TRIM44: variants seen among roughly 807,000 people sequenced by gnomAD.
The protein encoded by TRIM44 is tripartite motif containing 44.
A neutral mutation model predicts 37.4 loss-of-function variants in TRIM44; 13 were observed. The ratio of observed to expected loss-of-function variants is 0.35; its 90% confidence interval spans 0.23 to 0.55. The LOEUF (loss-of-function observed/expected upper bound fraction) is 0.55, where lower values mean the gene tolerates loss of function less well. Ranked by LOEUF, TRIM44 falls within the 20% of genes least tolerant of loss-of-function variation. TRIM44 has a pLI of 0.89. For synonymous variants in TRIM44, 175 were observed against 157.2 expected (o/e 1.11, Z -0.85); for missense variants, 426 against 437.2 (o/e 0.97, Z 0.23).
chr11:35,711,601 A>T (rs1041678670), intron 2 of TRIM44, among the ~76,000 whole-genome samples: 6 of 152,084 alleles, frequency 3.9e-5, no homozygotes, highest in Non-Finnish European at 8.8e-5. Context: ...AAAAATTAAA[A>T]AAAAATTAGC....
chr11:35,703,885 C>A (rs1479150062), intron 2 of TRIM44, among the ~76,000 whole-genome samples: 1 of 152,204 alleles, frequency 6.6e-6, no homozygotes, highest in Non-Finnish European at 1.5e-5. Flanking sequence ...AGCTCCTCAC[C>A]AGCAACGGAA....
intron 4 of TRIM44, among the ~76,000 whole-genome samples, chr11:35,796,705 G>C (rs768582849): frequency 6.6e-6 from 1 of 152,158 alleles, no homozygotes; most frequent in Non-Finnish European, 1.5e-5. Context: ...AGCACTGGGG[G>C]GAGGAAAGGG....
At chr11:35,745,037 G>A (rs182814617) in intron 4 of TRIM44, among the ~76,000 whole-genome samples, 1 of 152,148 alleles carries the variant, frequency 6.6e-6, no homozygotes, top group Admixed American at 6.5e-5. Context: ...ATATATGCAT[G>A]CATGTATCTT....
chr11:35,729,451 T>G (rs1852225769), intron 3 of TRIM44, among the ~76,000 whole-genome samples: 1 of 152,158 alleles, frequency 6.6e-6, no homozygotes, highest in South Asian at 2.1e-4. Context: ...GCAGTAATAG[T>G]ACGGAGGAAG....
intron 3 of TRIM44, among the ~76,000 whole-genome samples, chr11:35,733,393 T>C (rs1330245985): frequency 1.3e-5 from 2 of 152,186 alleles, no homozygotes; most frequent in Non-Finnish European, 2.9e-5. Context: ...CCAAAAATAA[T>C]TGAAAAATTT....
chr11:35,736,538 A>G lies in TRIM44; in HGVS notation c.1007+1093A>G, dbSNP rs575638799. On this transcript the variant is annotated intron_variant, in intron 4 of 4. Coordinates refer to ENST00000299413, the MANE Select transcript of TRIM44 (RefSeq NM_017583.6). Reference sequence around the variant, plus strand: ...TTGCTTTTTACAAACTAGCAAAAACAGTTTCCTCTCTTTTTTCATTTTCCC... The same window carrying G: ...TTGCTTTTTACAAACTAGCAAAAACGGTTTCCTCTCTTTTTTCATTTTCCC... Among the ~76,000 whole-genome samples the G allele has an allele frequency of 7.9e-5, 12 of 152,280 alleles. No individual in the cohort carries two copies. In the South Asian group the frequency reaches 2.5e-3, roughly 32 times the overall value.
rs188634350 is a variant in TRIM44 at position 35,709,340 on chromosome 11, T to C, written c.748-16584T>C. On this transcript the variant is annotated intron_variant, in intron 2 of 4. Transcript: ENST00000299413. ...ATGTATCCCATTTTTACATAAAATA[T>C]TGGCTTTGCTCTCAGATTCCCTTGA... Among the ~76,000 whole-genome samples, 36 of 152,360 alleles carry C rather than the reference T, an allele frequency of 2.4e-4. No individual in the cohort carries two copies. In the East Asian group the frequency reaches 5.8e-3, roughly 24 times the overall value.
intron 4 of TRIM44, among the ~76,000 whole-genome samples, chr11:35,779,683 G>A (rs375452229): frequency 1.3e-4 from 20 of 152,062 alleles, no homozygotes; most frequent in African/African-American, 1.7e-4. Flanking sequence ...TGCCAAGACC[G>A]ATGTCCAGGA....
rs1352531143 is a variant in TRIM44 at position 35,706,562 on chromosome 11, T to C, written c.748-19362T>C. Among the ~76,000 whole-genome samples the C allele has an allele frequency of 2.0e-4, 30 of 152,244 alleles. 2 individuals carry two copies. The highest frequency in any genetic ancestry group is 1.8e-3 in the Admixed American group (28 of 15,294). ...AGCAGCACATCAAAAAGCTTATCCA[T>C]CATGATCGAGTGGGCTTCATCCCTG... On this transcript the variant is annotated intron_variant, in intron 2 of 4. Coordinates refer to ENST00000299413, the MANE Select transcript of TRIM44 (RefSeq NM_017583.6).
chr11:35,752,775 G>A (rs1007367405), intron 4 of TRIM44, among the ~76,000 whole-genome samples: 7 of 152,100 alleles, frequency 4.6e-5, no homozygotes, highest in South Asian at 2.1e-4. Flanking sequence ...AGGAATGCTC[G>A]TCCCCAGAGT....
chr11:35,683,833 T>C, intron 1 of TRIM44, among the ~76,000 whole-genome samples: 1 of 151,912 alleles, frequency 6.6e-6, no homozygotes, highest in East Asian at 1.9e-4. Context: ...ATCTAGATGC[T>C]GGGCATAAGA....
chr11:35,690,263 A>T (rs1851625075), intron 2 of TRIM44, among the ~76,000 whole-genome samples: 1 of 152,178 alleles, frequency 6.6e-6, no homozygotes, highest in Admixed American at 6.5e-5. Flanking sequence ...TTATTTCAGC[A>T]TTTATGTAGC....
At chr11:35,747,651 A>G (rs1245238260) in intron 4 of TRIM44, among the ~76,000 whole-genome samples, 1 of 152,106 alleles carries the variant, frequency 6.6e-6, no homozygotes, top group Non-Finnish European at 1.5e-5. Flanking sequence ...CTGAGAAGAA[A>G]GTTGAGGTGG....
At chr11:35,706,311 A>T (rs1005702939) in intron 2 of TRIM44, among the ~76,000 whole-genome samples, 1 of 152,018 alleles carries the variant, frequency 6.6e-6, no homozygotes, top group African/African-American at 2.4e-5. Flanking sequence ...AGATGGATTC[A>T]CAGCCGAATT....
intron 4 of TRIM44, among the ~76,000 whole-genome samples, chr11:35,743,760 A>G (rs139835216): frequency 2.6e-5 from 4 of 152,200 alleles, no homozygotes; most frequent in Admixed American, 1.3e-4. Context: ...GTGGGTTACA[A>G]TCCATGGTTT....
chr11:35,700,585 A>G (rs1851774542), intron 2 of TRIM44, among the ~76,000 whole-genome samples: 1 of 152,184 alleles, frequency 6.6e-6, no homozygotes, highest in Non-Finnish European at 1.5e-5. Flanking sequence ...TCACAACAAC[A>G]CAGACCATCT....
At chr11:35,736,568 C>T (rs893557445) in intron 4 of TRIM44, among the ~76,000 whole-genome samples, 1 of 152,136 alleles carries the variant, frequency 6.6e-6, no homozygotes, top group Non-Finnish European at 1.5e-5. Flanking sequence ...TTTCCCTCCC[C>T]ATATCCTGAG....
intron 4 of TRIM44, among the ~76,000 whole-genome samples, chr11:35,765,992 G>A (rs924898807): frequency 6.6e-6 from 1 of 152,206 alleles, no homozygotes; most frequent in East Asian, 1.9e-4. Context: ...ATAAAAGCAA[G>A]TATTTCTGTG....
At chr11:35,803,239 A>G (rs969308504) in intron 4 of TRIM44, among the ~76,000 whole-genome samples, 3 of 151,798 alleles carry the variant, frequency 2.0e-5, no homozygotes, top group African/African-American at 7.2e-5. Flanking sequence ...CCTGCTATAG[A>G]ACGTGCTGTC....
Sources: allele counts gnomAD v4.1 joint callset (sites outside exome capture counted in the v4.1 genomes callset), GRCh38; gene constraint gnomAD v4.1.1; transcripts MANE v1.5; gene names NCBI Gene and HGNC (gene_info 2026-07-23, HGNC 2026-07-21).